The following PCYOX1 variants were observed in gnomAD, a reference collection of about 807,000 sequenced individuals.
PCYOX1 encodes prenylcysteine lyase.
A neutral mutation model predicts 46.4 loss-of-function variants in PCYOX1; 46 were observed. The observed-to-expected ratio is 0.99, with a 90% CI of 0.78 to 1.27. PCYOX1 has a LOEUF of 1.27. PCYOX1 is among the 50% of genes most tolerant of loss of function. The pLI, the probability that PCYOX1 is intolerant of heterozygous loss-of-function variation, is 0.00. For synonymous variants in PCYOX1, 220 were observed against 231.8 expected, an observed-to-expected ratio of 0.95 and a Z score of 0.46; for missense variants, 658 against 628.3, an observed-to-expected ratio of 1.05 and a Z score of -0.51.
At chr2:70,264,616 C>T (rs560699234) in intron 3 of PCYOX1, among the ~76,000 whole-genome samples, 7 of 151,914 alleles carry the variant, frequency 4.6e-5, no homozygotes, top group South Asian at 2.1e-4. Flanking sequence ...CATGAGCCAC[C>T]GCACCTGGCC....
chr2:70,276,347 T>C (rs919345558), intron 5 of PCYOX1, among the ~76,000 whole-genome samples: 6 of 151,404 alleles, frequency 4.0e-5, no homozygotes, highest in Non-Finnish European at 5.9e-5. Context: ...GCTGGGACTA[T>C]AGGCGCCTGC....
chr2:70,262,364 C>T (rs958471430), intron 3 of PCYOX1, among the ~76,000 whole-genome samples: 8 of 151,546 alleles, frequency 5.3e-5, no homozygotes, highest in African/African-American at 1.9e-4. Flanking sequence ...TGGGGTTTCA[C>T]CCTCTTGGCC....
intron 3 of PCYOX1, among the ~76,000 whole-genome samples, chr2:70,268,487 G>A (rs1041464366): frequency 3.9e-5 from 6 of 152,082 alleles, no homozygotes; most frequent in African/African-American, 1.2e-4. Flanking sequence ...ATGTGATTAA[G>A]TTAAAATGAG....
At chr2:70,259,610 A>G in intron 2 of PCYOX1, 44 bp downstream of exon 2, 1 of 1,358,604 alleles carries the variant, frequency 7.4e-7, no homozygotes, top group Non-Finnish European at 1.0e-6. Flanking sequence ...ACTGTGTGAC[A>G]TCCCCGGATA....
intron 3 of PCYOX1, among the ~76,000 whole-genome samples, chr2:70,266,188 TTATC>T (rs1313065610): frequency 6.6e-6 from 1 of 152,126 alleles, no homozygotes; most frequent in African/African-American, 2.4e-5. Context: ...TTATTCTGGA[TTATC>T]TAGGTGGGCC....
At position 70,275,553 on chromosome 2, in the gene PCYOX1, C is replaced by A; in HGVS notation, c.746C>A (p.Ala249Glu). The A allele has an allele frequency of 3.1e-6, 5 of 1,614,050 alleles. No individual in the cohort carries two copies. The highest frequency in any genetic ancestry group is 4.2e-6 in the Non-Finnish European group (5 of 1,179,960). Reference sequence around the variant, plus strand: ...TCCTGTTCTGATTCTGGCCTTTGGGCAGTAGAAGGTGGCAATAAACTTGTT... The same window carrying A: ...TCCTGTTCTGATTCTGGCCTTTGGGAAGTAGAAGGTGGCAATAAACTTGTT... ...SLSCSDSGLW[A>E]VEGGNKLVCS... The change falls in exon 5 of 6, where the codon GCA (alanine) becomes GAA (glutamate). Residue 249 changes from alanine (A) to glutamate (E), a missense_variant. Transcript: ENST00000433351.
intron 3 of PCYOX1, among the ~76,000 whole-genome samples, chr2:70,273,461 A>G (rs1404682833): frequency 6.6e-6 from 1 of 152,252 alleles, no homozygotes; most frequent in Non-Finnish European, 1.5e-5. Context: ...TGAAATGGTT[A>G]TAATACTGTC....
chr2:70,270,746 T>C (rs1272325723), intron 3 of PCYOX1, among the ~76,000 whole-genome samples: 1 of 152,220 alleles, frequency 6.6e-6, no homozygotes, highest in Non-Finnish European at 1.5e-5. Context: ...CATGTATTTC[T>C]AGTCTTCTTT....
intron 1 of PCYOX1, 141 bp downstream of exon 1, chr2:70,258,417 C>T (rs1417755881): frequency 8.9e-6 from 5 of 559,038 alleles, no homozygotes; most frequent in East Asian, 3.4e-5. Flanking sequence ...GCGCTTTCCC[C>T]CATTCACACT....
At chr2:70,267,172 G>T (rs561286839) in intron 3 of PCYOX1, among the ~76,000 whole-genome samples, 3 of 151,216 alleles carry the variant, frequency 2.0e-5, no homozygotes. Context: ...GGGCAGAGGC[G>T]CTCTTCACAT....
chr2:70,267,205 A>T (rs1559035315), intron 3 of PCYOX1, among the ~76,000 whole-genome samples: 2 of 150,812 alleles, frequency 1.3e-5, no homozygotes, highest in African/African-American at 4.9e-5. Context: ...GGCGGGGCAG[A>T]GGCGCTCCCC....
At chr2:70,260,679 G>C (rs992743679) in intron 2 of PCYOX1, among the ~76,000 whole-genome samples, 6 of 152,266 alleles carry the variant, frequency 3.9e-5, no homozygotes, top group African/African-American at 1.4e-4. Context: ...CAGGCCTCTG[G>C]AGGCCCTTTC....
rs1696400001 is a variant in PCYOX1, at chr2:70,259,346, T to TC, written c.113-14_113-13insC. 6.2e-7 allele frequency: 1 copy of TC among 1,609,592 alleles called. No homozygotes were observed. Among genetic ancestry groups the TC allele is most frequent in the Non-Finnish European group, 8.5e-7 (1 of 1,176,264 alleles). On this transcript the variant is annotated splice_polypyrimidine_tract_variant and intron_variant, in intron 1 of 5. Transcript: ENST00000433351. ...AAAGGGGAAAATATAATCTTCTGTT[T>TC]TTTTCCCTCATAGCGATTATTGGAG... is the stretch of plus-strand genomic sequence containing the variant.
intron 3 of PCYOX1, 173 bp from the exon 4 acceptor site, chr2:70,274,786 A>ACTCCTGAC (rs1696646628): frequency 1.7e-6 from 1 of 596,054 alleles, no homozygotes; most frequent in Non-Finnish European, 3.0e-6. Flanking sequence ...CTGGTCTTGA[A>ACTCCTGAC]CTCCTGACCT....
chr2:70,279,392 G>A lies in PCYOX1; in HGVS notation c.*2000G>A, dbSNP rs1696732791. ...TGAAGACAATTTGTAAAGTAATACT[G>A]TTATGTATATGCTAAATGTTGGTAA... On this transcript the variant is annotated 3_prime_UTR_variant, in exon 6 of 6. Transcript: ENST00000433351. 1 of 152,176 alleles carries A rather than the reference G, an allele frequency of 6.6e-6. No individual in the cohort carries two copies. Among genetic ancestry groups the A allele is most frequent in the Non-Finnish European group, 1.5e-5 (1 of 68,030 alleles). 9.4% of individuals were successfully genotyped at this position (152,176 alleles called of 1,614,324 possible). A position where few individuals can be genotyped will look rare whatever the true frequency, so the allele number is the denominator to read the frequency against.
intron 3 of PCYOX1, among the ~76,000 whole-genome samples, chr2:70,269,501 A>G (rs956471924): frequency 6.6e-6 from 1 of 151,828 alleles, no homozygotes; most frequent in African/African-American, 2.4e-5. Context: ...AACCCTGGCT[A>G]ATTTTTTGTG....
chr2:70,263,143 A>G (rs1696464441), intron 3 of PCYOX1, among the ~76,000 whole-genome samples: 1 of 151,760 alleles, frequency 6.6e-6, no homozygotes, highest in South Asian at 2.1e-4. Context: ...CTGAGGCAGG[A>G]GAATCACTTG....
In PCYOX1 at chr2:70,278,404, C is replaced by T. The variant is rs900432337; in HGVS notation, c.*1012C>T. The T allele has an allele frequency of 2.6e-5, 4 of 152,620 alleles. No individual in the cohort carries two copies. Among genetic ancestry groups the T allele is most frequent in the Non-Finnish European group, 5.9e-5 (4 of 68,036 alleles). The allele number at this position is 152,620 out of a possible 1,614,324, so 9.5% of individuals were successfully genotyped here. ...CCTTAGAAGTCCTAAGAAGCCCAAT[C>T]TGTATCAAAGCAGATCCATTTTGCA... On this transcript the variant is annotated 3_prime_UTR_variant, in exon 6 of 6. Transcript: ENST00000433351.
rs375437915 is a variant in PCYOX1 at position 70,276,829 on chromosome 2, C to A, written c.955C>A (p.Arg319=). Reference sequence around the variant, plus strand: ...CGTCTTGGTGGCCACTCCGTTGAATCGAAAAATGTCGAATATTACTTTTCT... The same window carrying A: ...CGTCTTGGTGGCCACTCCGTTGAATAGAAAAATGTCGAATATTACTTTTCT... ...DIVLVATPLN[R]KMSNITFLNF... Residue 319 remains arginine, a synonymous_variant, in exon 6 of 6, where the codon CGA becomes AGA. Transcript: ENST00000433351. 3 of 1,612,890 alleles carry A rather than the reference C, an allele frequency of 1.9e-6. No individual in the cohort carries two copies. Among genetic ancestry groups the A allele is most frequent in the East Asian group, 2.2e-5 (1 of 44,868 alleles).
Sources: allele counts gnomAD v4.1 joint callset (sites outside exome capture counted in the v4.1 genomes callset), GRCh38; gene constraint gnomAD v4.1.1; transcripts MANE v1.5; gene names NCBI Gene and HGNC (gene_info 2026-07-23, HGNC 2026-07-21).